The following NAT10 variants were observed in gnomAD, a reference collection of about 807,000 sequenced individuals.
NAT10 encodes N-acetyltransferase 10, also known as RNA cytidine acetyltransferase.
A neutral mutation model predicts 132.2 loss-of-function variants in NAT10; 109 were observed. The ratio of observed to expected loss-of-function variants is 0.82; its 90% CI spans 0.71 to 0.97. NAT10 has a LOEUF of 0.97. Among genes scored for constraint, NAT10 ranks in the 50% least tolerant of loss-of-function variants. NAT10 has a pLI of 0.00. For synonymous variants in NAT10, 479 were observed against 478.0 expected, an observed-to-expected ratio of 1.00 and a Z score of -0.03; for missense variants, 1,184 against 1,263.4, an observed-to-expected ratio of 0.94 and a Z score of 0.95.
rs1353759501 is a variant in NAT10 at position 34,113,751 on chromosome 11, G to C, written c.408G>C (p.Arg136Ser). The C allele has an allele frequency of 1.2e-6, 2 of 1,613,896 alleles. No individual in the cohort carries two copies. Among genetic ancestry groups the C allele is most frequent in the Non-Finnish European group, 1.7e-6 (2 of 1,179,988 alleles). ...FEALTPNLLA[R>S]TVETVEGGGL... is the part of the protein sequence containing the mutation. ...CCTTAACTCCAAACTTGCTGGCCAG[G>C]ACTGTAGAAACAGTGGAAGGTGGTG... The change falls in exon 5 of 29, where the codon AGG becomes AGC. Residue 136 changes from arginine (R) to serine (S), a missense_variant. By Grantham distance (110) the Arg-to-Ser change is moderately radical. Transcript: ENST00000257829.
intron 2 of NAT10, 21 bp downstream of exon 2, chr11:34,108,354 C>T (rs756810947): frequency 1.3e-5 from 20 of 1,566,796 alleles, no homozygotes; most frequent in Non-Finnish European, 1.8e-5. Context: ...GTAAATGCTT[C>T]CTGAATTACT....
At chr11:34,106,843 G>A (rs1433582326) in intron 1 of NAT10, among the ~76,000 whole-genome samples, 1 of 152,100 alleles carries the variant, frequency 6.6e-6, no homozygotes, top group Non-Finnish European at 1.5e-5. Flanking sequence ...AGGTTAGAAG[G>A]GACAGTTAAG....
intron 8 of NAT10, among the ~76,000 whole-genome samples, chr11:34,120,455 A>G (rs1851873650): frequency 6.6e-6 from 1 of 152,062 alleles, no homozygotes; most frequent in South Asian, 2.1e-4. Context: ...GTGTCTCTTC[A>G]GTGTCTTCTT....
chr11:34,146,251 CCT>C lies in NAT10; in HGVS notation c.*64_*65del, dbSNP rs1852439554. The C allele has an allele frequency of 3.9e-6, 5 of 1,296,534 alleles. No homozygotes were observed. The highest frequency in any genetic ancestry group is 3.7e-4 in the Middle Eastern group (2 of 5,382). 80.3% of individuals were successfully genotyped at this position (1,296,534 alleles called of 1,614,324 possible). A position where few individuals can be genotyped will look rare whatever the true frequency, so the allele number is the denominator to read the frequency against. ...GGGAAGATACTCTCACTAACTGAAC[CCT>C]CTCTGGCTGGACTGTTAAAAGCAAC... On this transcript the variant is annotated 3_prime_UTR_variant, in exon 29 of 29. Transcript: ENST00000257829.
At chr11:34,112,339 A>C in intron 4 of NAT10, 116 bp downstream of exon 4, 1 of 1,213,702 alleles carries the variant, frequency 8.2e-7, no homozygotes, top group Non-Finnish European at 1.2e-6. Context: ...CATGTTCCCT[A>C]TGCCCAAGCA....
chr11:34,142,412 G>A (rs547419916), intron 27 of NAT10, 64 bp downstream of exon 27: 94 of 1,434,320 alleles, frequency 6.6e-5, no homozygotes, highest in Middle Eastern at 1.8e-4. Flanking sequence ...CTGCCTACAC[G>A]TTTCTTCTAA....
chr11:34,119,214 G>C (rs746423390), intron 8 of NAT10, among the ~76,000 whole-genome samples: 7 of 152,340 alleles, frequency 4.6e-5, no homozygotes, highest in Middle Eastern at 6.8e-3. Flanking sequence ...TGGCTTCTCT[G>C]GTGGTTCCTG....
At chr11:34,124,543 G>T (rs1851952951) in intron 11 of NAT10, 143 bp downstream of exon 11, 1 of 491,944 alleles carries the variant, frequency 2.0e-6, no homozygotes, top group East Asian at 3.3e-5. Flanking sequence ...TGCTAAACCT[G>T]TTCCAGATTT....
chr11:34,123,191 A>T (rs1268496715), intron 9 of NAT10, among the ~76,000 whole-genome samples: 1 of 152,178 alleles, frequency 6.6e-6, no homozygotes, highest in East Asian at 1.9e-4. Context: ...AGATGAATCA[A>T]CCTAGGTTTG....
intron 11 of NAT10, 145 bp from the exon 12 acceptor site, chr11:34,127,318 C>CA: frequency 2.1e-6 from 2 of 963,424 alleles, no homozygotes; most frequent in South Asian, 1.8e-5. Context: ...TTTGCCCTGC[C>CA]AGGAAAAAGT....
chr11:34,119,083 G>C (rs1363206859), intron 8 of NAT10, among the ~76,000 whole-genome samples: 1 of 152,248 alleles, frequency 6.6e-6, no homozygotes, highest in Non-Finnish European at 1.5e-5. Context: ...GTTCCAGTGC[G>C]AGGCCTGATG....
At chr11:34,108,678 T>C in intron 2 of NAT10, 64 bp from the exon 3 acceptor site, 1 of 1,471,694 alleles carries the variant, frequency 6.8e-7, no homozygotes, top group Non-Finnish European at 9.4e-7. Flanking sequence ...AAATGAGGTC[T>C]TAAGCCTGGC....
intron 20 of NAT10, 61 bp downstream of exon 20, chr11:34,136,836 G>A: frequency 1.2e-6 from 2 of 1,613,154 alleles, no homozygotes; most frequent in Non-Finnish European, 1.7e-6. Flanking sequence ...AGAGTTCTGT[G>A]GGCTGTGTGT....
At chr11:34,110,477 T>C (rs1205342188) in intron 3 of NAT10, among the ~76,000 whole-genome samples, 1 of 151,314 alleles carries the variant, frequency 6.6e-6, no homozygotes, top group Non-Finnish European at 1.5e-5. Context: ...GTCCTTCTCC[T>C]ATAATGTTTG....
chr11:34,119,473 A>T (rs191610951), intron 8 of NAT10, among the ~76,000 whole-genome samples: 85 of 152,292 alleles, frequency 5.6e-4, no homozygotes, highest in Middle Eastern at 3.4e-3. Context: ...GGCTTTTTTG[A>T]TTCACTTCCT....
chr11:34,136,698 C>G lies in NAT10; in HGVS notation c.2085C>G (p.Leu695=). Residue 695 remains leucine (L), a synonymous_variant, in exon 20 of 29, where the codon CTC becomes CTG. Coordinates refer to ENST00000257829, the MANE Select transcript of NAT10 (RefSeq NM_024662.3). ...ITPRKDLPPL[L]LKLNERPAER... ...CCCGGAAGGACCTGCCTCCTTTACT[C>G]CTCAAATTGAATGAGAGGCCTGCCG... 6.2e-7 allele frequency: 1 copy of G among 1,614,172 alleles called. No homozygotes were observed. Among genetic ancestry groups the G allele is most frequent in the South Asian group, 1.1e-5 (1 of 91,090 alleles).
intron 15 of NAT10, among the ~76,000 whole-genome samples, chr11:34,132,450 C>G (rs1032016845): frequency 2.6e-5 from 4 of 152,138 alleles, no homozygotes; most frequent in Non-Finnish European, 4.4e-5. Context: ...GCTTTCATTT[C>G]TTGCCTGCCT....
chr11:34,142,295 T>A lies in NAT10; in HGVS notation c.2832T>A (p.Phe944Leu). 6.2e-7 allele frequency: 1 copy of A among 1,614,162 alleles called. No individual in the cohort carries two copies. The highest frequency in any genetic ancestry group is 2.2e-5 in the East Asian group (1 of 44,880). ...CACAGGATGAAGCAGCAAAGGAATT[T>A]CAGGAGAAACACAAGAAGGAAGTAG... is the stretch of plus-strand genomic sequence containing the variant. ...SDDLDEAAKE[F>L]QEKHKKEVGK... Residue 944 changes from phenylalanine (F) to leucine (L), a missense_variant, in exon 27 of 29, where the codon TTT becomes TTA. Coordinates refer to ENST00000257829, the MANE Select transcript of NAT10 (RefSeq NM_024662.3).
chr11:34,136,739 T>C lies in NAT10; in HGVS notation c.2126T>C (p.Leu709Pro), dbSNP rs1288156009. The C allele has an allele frequency of 1.9e-6, 3 of 1,614,058 alleles. No individual in the cohort carries two copies. The East Asian group carries it at 6.7e-5, about 36-fold the overall frequency. Residue 709 changes from leucine to proline, a missense_variant, in exon 20 of 29, where the codon CTG (leucine) becomes CCG (proline). Physicochemically the swap from Leu to Pro is moderately conservative, Grantham distance 98 (BLOSUM62 -3). Transcript: ENST00000257829. ...NERPAERLDYLGVSYGLTPRL... is the reference protein window; with the variant it reads ...NERPAERLDYPGVSYGLTPRL... ...AGGCCTGCCGAACGCCTGGATTACC[T>C]GGGTGTTTCCTATGGCTTGACCCCC... is the stretch of plus-strand genomic sequence containing the variant.
Sources: gnomAD v4.1 joint callset for allele counts (sites outside exome capture counted in the v4.1 genomes callset) on GRCh38, gnomAD v4.1.1 for gene constraint, MANE v1.5 for transcripts, NCBI Gene and HGNC (gene_info 2026-07-23, HGNC 2026-07-21) for gene names.